CSMD1: variants seen among roughly 807,000 people sequenced by gnomAD.
CSMD1 encodes CUB and Sushi multiple domains 1.
CSMD1 carries 213 observed loss-of-function variants against 417.5 expected under a neutral mutation model. That is an observed-to-expected ratio of 0.51 (90% CI 0.46 to 0.57). The LOEUF is 0.57. CSMD1 is among the 20% of genes least tolerant of loss of function. The pLI is 0.00. For synonymous variants in CSMD1, 2,862 were observed against 1,736.8 expected, an observed-to-expected ratio of 1.65 and a Z score of -16.11; for missense variants, 6,923 against 4,529.7, an observed-to-expected ratio of 1.53 and a Z score of -15.17.
intron 54 of CSMD1, among the ~76,000 whole-genome samples, chr8:2,983,039 C>G (rs1308851549): frequency 6.6e-6 from 1 of 152,044 alleles, no homozygotes; most frequent in Non-Finnish European, 1.5e-5. Context: ...TCGATTCCAG[C>G]CTGTTATGTG....
At chr8:3,557,604 T>TTCAGAGGAAGAAA (rs1799213442) in intron 10 of CSMD1, among the ~76,000 whole-genome samples, 1 of 152,200 alleles carries the variant, frequency 6.6e-6, no homozygotes, top group South Asian at 2.1e-4. Context: ...TCTCACTGCT[T>TTCAGAGGAAGAAA]GAGGCTTTCT....
At chr8:3,716,913 G>A (rs1801873710) in intron 6 of CSMD1, among the ~76,000 whole-genome samples, 1 of 152,220 alleles carries the variant, frequency 6.6e-6, no homozygotes, top group South Asian at 2.1e-4. Flanking sequence ...AAATGCTGGA[G>A]TACATCCTAT....
At chr8:4,292,795 G>A (rs563714804) in intron 3 of CSMD1, among the ~76,000 whole-genome samples, 24 of 152,106 alleles carry the variant, frequency 1.6e-4, no homozygotes, top group Non-Finnish European at 2.8e-4. Context: ...TCCCAACCAT[G>A]TATCTTATTA....
At chr8:3,866,420 G>A (rs1024571661) in intron 5 of CSMD1, among the ~76,000 whole-genome samples, 12 of 152,106 alleles carry the variant, frequency 7.9e-5, no homozygotes, top group African/African-American at 1.9e-4. Flanking sequence ...AAATGGAAGC[G>A]TTTCCAATTT....
chr8:4,837,422 G>T (rs1800560771), intron 1 of CSMD1, among the ~76,000 whole-genome samples: 2 of 152,134 alleles, frequency 1.3e-5, no homozygotes, highest in African/African-American at 4.8e-5. Flanking sequence ...TAAAAAGAAT[G>T]AGATTCTATC....
rs1341628690 is a variant in CSMD1, at chr8:3,772,493, A to T, written c.819-18451T>A. On this transcript the variant is annotated intron_variant, in intron 5 of 69. Coordinates refer to ENST00000635120, the MANE Select transcript of CSMD1 (RefSeq NM_033225.6). ...CACATATATATACATATATACACAT[A>T]TATACATATATACACATATATACAT... Among the ~76,000 whole-genome samples the T allele has an allele frequency of 2.1e-4, 5 of 24,106 alleles. 1 individual carries two copies. The highest frequency in any genetic ancestry group is 1.4e-3 in the Admixed American group (2 of 1,414). 15.8% of individuals were successfully genotyped at this position (24,106 alleles called of 152,430 possible).
chr8:4,203,038 G>A lies in CSMD1; in HGVS notation c.416-170939C>T, dbSNP rs768210132. Among the ~76,000 whole-genome samples the A allele has an allele frequency of 1.5e-4, 23 of 152,162 alleles. 1 individual carries two copies. Among genetic ancestry groups the A allele is most frequent in the Non-Finnish European group, 2.9e-4 (20 of 68,028 alleles). On this transcript the variant is annotated intron_variant, in intron 3 of 69. Transcript: ENST00000635120. Reference sequence around the variant, plus strand: ...GACTATGTTTCCTTACCTGCTGAGAGGATTTGACAGGTGTGAGAGTTAAGG... The same window carrying A: ...GACTATGTTTCCTTACCTGCTGAGAAGATTTGACAGGTGTGAGAGTTAAGG...
rs756404704 is a variant in CSMD1, at chr8:3,359,371, G to A, written c.3116-31C>T. Reference sequence around the variant, plus strand: ...GCATGCAGAGACAGAGTAAATGCATGAGGATTTGGGTAAATACACAAAGAT... The same window carrying A: ...GCATGCAGAGACAGAGTAAATGCATAAGGATTTGGGTAAATACACAAAGAT... On this transcript the variant is annotated intron_variant, in intron 20 of 69. Coordinates refer to ENST00000635120, the MANE Select transcript of CSMD1 (RefSeq NM_033225.6). 8.4e-6 allele frequency: 13 copies of A among 1,539,560 alleles called. No homozygotes were observed. In the South Asian group the frequency reaches 1.5e-4, roughly 18 times the overall value.
intron 2 of CSMD1, among the ~76,000 whole-genome samples, chr8:4,473,635 T>C (rs1459401770): frequency 6.6e-6 from 1 of 152,200 alleles, no homozygotes; most frequent in Admixed American, 6.5e-5. Flanking sequence ...TTGGGGAGTT[T>C]AGTTTCCTTT....
chr8:4,018,099 G>T (rs1407344605), intron 4 of CSMD1, among the ~76,000 whole-genome samples: 2 of 152,164 alleles, frequency 1.3e-5, no homozygotes, highest in African/African-American at 4.8e-5. Flanking sequence ...ATAGCCTATT[G>T]TATGGCATAA....
intron 5 of CSMD1, among the ~76,000 whole-genome samples, chr8:3,839,722 A>C (rs1802992112): frequency 6.6e-6 from 1 of 150,638 alleles, no homozygotes; most frequent in African/African-American, 2.4e-5. Context: ...AGTCTCTTTA[A>C]AGCACTTCGC....
chr8:4,606,799 C>G (rs1800892286), intron 2 of CSMD1, among the ~76,000 whole-genome samples: 1 of 152,140 alleles, frequency 6.6e-6, no homozygotes, highest in African/African-American at 2.4e-5. Context: ...AGTATCATTT[C>G]TCCCCAAATA....
chr8:3,637,059 C>G (rs1797086564), intron 7 of CSMD1, among the ~76,000 whole-genome samples: 1 of 152,170 alleles, frequency 6.6e-6, no homozygotes, highest in Non-Finnish European at 1.5e-5. Context: ...TCGCCAGAAT[C>G]AGGATCCTCA....
intron 2 of CSMD1, among the ~76,000 whole-genome samples, chr8:4,426,532 T>C (rs2128943785): frequency 6.8e-6 from 1 of 147,624 alleles, no homozygotes; most frequent in Non-Finnish European, 1.5e-5. Context: ...TAGTATTTTA[T>C]ACTGTATAAT....
intron 7 of CSMD1, among the ~76,000 whole-genome samples, chr8:3,683,299 T>G (rs148850001): frequency 1.3e-5 from 2 of 152,204 alleles, no homozygotes; most frequent in East Asian, 3.9e-4. Flanking sequence ...AGAATATGGA[T>G]GGATCAGTCA....
In CSMD1 at chr8:3,236,331, A is replaced by C. The variant is rs765702255; in HGVS notation, c.4154-6100T>G. Among the ~76,000 whole-genome samples the C allele has an allele frequency of 3.3e-5, 5 of 152,194 alleles. No homozygotes were observed. In the East Asian group the frequency reaches 7.7e-4, roughly 23 times the overall value. On this transcript the variant is annotated intron_variant, in intron 26 of 69. Transcript: ENST00000635120. ...TGCCATAAACTACTAAGGCTTACTT[A>C]AGTTTAAACAAACCCCCAAACACTT...
intron 3 of CSMD1, among the ~76,000 whole-genome samples, chr8:4,372,791 A>G (rs966670155): frequency 6.6e-6 from 1 of 152,178 alleles, no homozygotes; most frequent in African/African-American, 2.4e-5. Flanking sequence ...TACAATAAAT[A>G]TACTTGAGTG....
At chr8:4,680,521 T>G (rs184698787) in intron 1 of CSMD1, among the ~76,000 whole-genome samples, 126 of 151,994 alleles carry the variant, frequency 8.3e-4, no homozygotes, top group African/African-American at 2.9e-3. Context: ...GAAGGAGAAA[T>G]GGAAATTGGA....
intron 5 of CSMD1, among the ~76,000 whole-genome samples, chr8:3,864,611 C>T (rs1358468978): frequency 4.6e-5 from 7 of 152,110 alleles, no homozygotes; most frequent in Admixed American, 2.6e-4. Context: ...AGTGTTATCC[C>T]TCCCCAGTAA....
Sources: allele counts gnomAD v4.1 joint callset (sites outside exome capture counted in the v4.1 genomes callset), GRCh38; gene constraint gnomAD v4.1.1; transcripts MANE v1.5; gene names NCBI Gene and HGNC (gene_info 2026-07-23, HGNC 2026-07-21).